THSD4: variants seen among roughly 807,000 people sequenced by gnomAD.
The protein encoded by THSD4 is thrombospondin type-1 domain-containing protein 4.
Under a neutral mutation model 119.0 loss-of-function variants are expected in THSD4, and 69 were observed. The ratio of observed to expected loss-of-function variants is 0.58; its 90% CI spans 0.48 to 0.71. THSD4 has a LOEUF of 0.71. Ranked by LOEUF, THSD4 falls within the 30% of genes least tolerant of loss-of-function variation. The probability of loss-of-function intolerance (pLI) is 0.00; values close to 1 mark genes in which losing one functional copy is unlikely to be tolerated. For missense variants in THSD4, 1,393 were observed against 1,391.1 expected, an observed-to-expected ratio of 1.00 and a Z score of -0.02; for synonymous variants, 524 against 540.4, an observed-to-expected ratio of 0.97 and a Z score of 0.42.
In THSD4 at chr15:71,332,891, C is replaced by CTTTTTTTTTTTTTTTTTTTTTT. The variant is rs1184457820; in HGVS notation, c.1015+76176_1015+76177insTTTTTTTTTTTTTTTTTTTTTT. ...TTCTTAAAACATTGAGATTTTTTTACATTTTTTTTTTTTTTTTAGTTCATC... is the reference window on the plus strand; with the variant it reads ...TTCTTAAAACATTGAGATTTTTTTACTTTTTTTTTTTTTTTTTTTTTTATTTTTTTTTTTTTTTTAGTTCATC... On this transcript the variant is annotated intron_variant, in intron 6 of 17. Transcript: ENST00000261862. 6.3e-3 allele frequency among the ~76,000 whole-genome samples: 240 copies of CTTTTTTTTTTTTTTTTTTTTTT among 37,970 alleles called. 14 individuals carry two copies. The highest frequency in any genetic ancestry group is 9.3e-3 in the Non-Finnish European group (164 of 17,630). The allele number at this position is 37,970 out of a possible 152,430, so 24.9% of individuals were successfully genotyped here.
intron 7 of THSD4, among the ~76,000 whole-genome samples, chr15:71,580,092 T>C (rs1160905466): frequency 6.6e-6 from 1 of 152,124 alleles, no homozygotes; most frequent in Non-Finnish European, 1.5e-5. Flanking sequence ...AAAGAATACA[T>C]GTAATTTGTA....
In THSD4 at chr15:71,276,785, G is replaced by A. The variant is rs188552932; in HGVS notation, c.1015+20070G>A. On this transcript the variant is annotated intron_variant, in intron 6 of 17. Transcript: ENST00000261862. ...TGCAAATAAATATGAACAGGTTATC[G>A]TACATTGTCTAAATGTATTCACATT... is the stretch of plus-strand genomic sequence containing the variant. 1.5e-3 allele frequency among the ~76,000 whole-genome samples: 235 copies of A among 152,294 alleles called. 2 individuals are homozygous for A. Among genetic ancestry groups the A allele is most frequent in the South Asian group, 7.7e-3 (37 of 4,824 alleles).
intron 6 of THSD4, among the ~76,000 whole-genome samples, chr15:71,285,345 T>C (rs2044702086): frequency 6.6e-6 from 1 of 152,152 alleles, no homozygotes; most frequent in Non-Finnish European, 1.5e-5. Flanking sequence ...TTAAAATGTG[T>C]TGTTTGGTGG....
intron 5 of THSD4, among the ~76,000 whole-genome samples, chr15:71,255,019 C>G (rs2044298900): frequency 6.6e-6 from 1 of 152,196 alleles, no homozygotes; most frequent in Non-Finnish European, 1.5e-5. Flanking sequence ...CTTAATCAAG[C>G]AGGAGATGTT....
At chr15:71,293,842 A>C (rs770588492) in intron 6 of THSD4, among the ~76,000 whole-genome samples, 18 of 152,050 alleles carry the variant, frequency 1.2e-4, no homozygotes, top group Non-Finnish European at 2.1e-4. Flanking sequence ...TCCATGTTTA[A>C]CTGGAAGTGG....
chr15:71,764,207 C>T (rs780717442), intron 15 of THSD4, among the ~76,000 whole-genome samples: 1 of 152,234 alleles, frequency 6.6e-6, no homozygotes, highest in African/African-American at 2.4e-5. Flanking sequence ...GATCACACCA[C>T]TACACTCCAG....
chr15:71,246,477 C>T (rs1054319046), intron 5 of THSD4, among the ~76,000 whole-genome samples: 11 of 152,212 alleles, frequency 7.2e-5, no homozygotes, highest in East Asian at 3.9e-4. Flanking sequence ...AGAGACCCAA[C>T]AATTCAGCTG....
At chr15:71,498,800 A>G (rs907836727) in intron 7 of THSD4, among the ~76,000 whole-genome samples, 4 of 150,666 alleles carry the variant, frequency 2.7e-5, no homozygotes, top group South Asian at 2.1e-4. Context: ...GGCTCAAACA[A>G]TCCTCCTACC....
chr15:71,666,156 G>A (rs1158361632), intron 8 of THSD4, among the ~76,000 whole-genome samples: 2 of 152,050 alleles, frequency 1.3e-5, no homozygotes, highest in African/African-American at 4.8e-5. Context: ...TTTTCCATTT[G>A]TTTATGTCAT....
At chr15:71,457,379 CAAAAAAAA>C (rs10708714) in intron 7 of THSD4, among the ~76,000 whole-genome samples, 4 of 50,586 alleles carry the variant, frequency 7.9e-5, no homozygotes. Flanking sequence ...GATCTCGCCT[CAAAAAAAA>C]AAAAAAAAAA....
rs142025051 is a variant in THSD4, at chr15:71,259,613, C to T, written c.1015+2898C>T. ...GTGGTTCTCAGCCCTGGTTGCTCTTCAGAATCACTGAGGAGCCTCCTAGAG... is the reference window on the plus strand; with the variant it reads ...GTGGTTCTCAGCCCTGGTTGCTCTTTAGAATCACTGAGGAGCCTCCTAGAG... On this transcript the variant is annotated intron_variant, in intron 6 of 17. Transcript: ENST00000261862. 2.2e-3 allele frequency among the ~76,000 whole-genome samples: 334 copies of T among 152,314 alleles called. 2 individuals carry two copies. The highest frequency in any genetic ancestry group is 7.8e-3 in the African/African-American group (324 of 41,568).
chr15:71,551,084 C>A (rs1306806227), intron 7 of THSD4, among the ~76,000 whole-genome samples: 2 of 152,100 alleles, frequency 1.3e-5, no homozygotes, highest in African/African-American at 4.8e-5. Context: ...TCCTACTGTC[C>A]TAGTGATAAG....
At chr15:71,545,460 T>C (rs2140846632) in intron 7 of THSD4, among the ~76,000 whole-genome samples, 1 of 152,336 alleles carries the variant, frequency 6.6e-6, no homozygotes, top group Middle Eastern at 3.4e-3. Flanking sequence ...TGTGGTTTCC[T>C]TTGTGCTATA....
chr15:71,470,269 A>G (rs1232929255), intron 7 of THSD4, among the ~76,000 whole-genome samples: 2 of 152,096 alleles, frequency 1.3e-5, no homozygotes, highest in Admixed American at 6.5e-5. Context: ...TGTGGAAAAA[A>G]CCTGATAGTT....
At chr15:71,275,194 C>T (rs1286264523) in intron 6 of THSD4, among the ~76,000 whole-genome samples, 1 of 152,060 alleles carries the variant, frequency 6.6e-6, no homozygotes, top group East Asian at 1.9e-4. Flanking sequence ...ATAAGCACAG[C>T]CCACCAAGCT....
chr15:71,515,621 C>T (rs1472132174), intron 7 of THSD4, among the ~76,000 whole-genome samples: 1 of 152,172 alleles, frequency 6.6e-6, no homozygotes, highest in Non-Finnish European at 1.5e-5. Flanking sequence ...GCATTCCTTT[C>T]AAGGGCTGGG....
intron 7 of THSD4, among the ~76,000 whole-genome samples, chr15:71,632,036 T>A (rs1361316408): frequency 6.6e-6 from 1 of 152,192 alleles, no homozygotes; most frequent in Non-Finnish European, 1.5e-5. Flanking sequence ...TTTTCCCATC[T>A]GTAAAATGGG....
chr15:71,377,873 C>CACACACACACACACACACACACACAA (rs2046162620), intron 6 of THSD4, among the ~76,000 whole-genome samples: 1 of 66,836 alleles, frequency 1.5e-5, no homozygotes, highest in Non-Finnish European at 3.0e-5. Context: ...CCACAACACA[C>CACACACACACACACACACACACACAA]ACACACACAC....
intron 7 of THSD4, among the ~76,000 whole-genome samples, chr15:71,450,904 G>A (rs767457010): frequency 1.7e-4 from 26 of 152,202 alleles, no homozygotes; most frequent in Non-Finnish European, 2.2e-4. Context: ...GGAGCCGGGC[G>A]TGGCGGCATA....
Sources: allele counts gnomAD v4.1 joint callset (sites outside exome capture counted in the v4.1 genomes callset), GRCh38; gene constraint gnomAD v4.1.1; transcripts MANE v1.5; gene names NCBI Gene and HGNC (gene_info 2026-07-23, HGNC 2026-07-21).